SLC38A8: variants seen among roughly 807,000 people sequenced by gnomAD.
SLC38A8 encodes amino acid transporter SLC38A8.
Under a neutral mutation model 46.0 loss-of-function variants are expected in SLC38A8, and 65 were observed. That is an observed-to-expected ratio of 1.41 (90% confidence interval 1.16 to 1.74). The LOEUF (loss-of-function observed/expected upper bound fraction) is 1.74. Among genes scored for constraint, SLC38A8 ranks in the 40% most tolerant of loss-of-function variants. The probability of loss-of-function intolerance (pLI) is 0.00; values close to 1 mark genes in which losing one functional copy is unlikely to be tolerated. For synonymous variants in SLC38A8, 447 were observed against 243.7 expected (o/e 1.83, Z -7.77); for missense variants, 998 against 567.9 (o/e 1.76, Z -7.70).
chr16:84,039,783 T>C (rs7197686), intron 2 of SLC38A8: 2 of 135,988 alleles, frequency 1.5e-5, no homozygotes, highest in African/African-American at 2.7e-5. Flanking sequence ...GGGGAAGGTG[T>C]GGGGGGCAAG....
intron 6 of SLC38A8, among the ~76,000 whole-genome samples, chr16:84,027,514 C>T (rs1229031467): frequency 3.9e-5 from 6 of 152,182 alleles, no homozygotes; most frequent in African/African-American, 1.2e-4. Context: ...TGTGTTTGGG[C>T]GGGGACGCTG....
chr16:84,015,233 G>A (rs1235978522), intron 9 of SLC38A8, among the ~76,000 whole-genome samples: 8 of 152,248 alleles, frequency 5.3e-5, no homozygotes, highest in African/African-American at 1.9e-4. Context: ...CGGATCTGGA[G>A]TCTCTGTTCT....
rs751209781 is a variant in SLC38A8 at position 84,012,976 on chromosome 16, G to T, written c.1214+25C>A. 5.6e-6 allele frequency: 9 copies of T among 1,613,340 alleles called. No individual in the cohort carries two copies. In the Admixed American group the frequency reaches 6.7e-5, roughly 12 times the overall value. On this transcript the variant is annotated intron_variant, in intron 10 of 10. Transcript: ENST00000299709. ...CTCTGATCCGGGGCACACCCAGGGT[G>T]CCACCTCATCTTAGGGACACTTACT... is the stretch of plus-strand genomic sequence containing the variant.
At chr16:84,016,413 A>G in intron 9 of SLC38A8, 106 bp downstream of exon 9, 1 of 1,327,374 alleles carries the variant, frequency 7.5e-7, no homozygotes, top group Non-Finnish European at 1.0e-6. Context: ...TCCTACCCAT[A>G]TGTGGCTCCC....
At chr16:84,015,575 G>A (rs951518378) in intron 9 of SLC38A8, among the ~76,000 whole-genome samples, 1 of 620 alleles carries the variant, frequency 1.6e-3, no homozygotes, top group African/African-American at 0.02. Flanking sequence ...CTGTGCCCCC[G>A]GCGGGGGTTC....
intron 6 of SLC38A8, among the ~76,000 whole-genome samples, chr16:84,025,842 G>C (rs962796920): frequency 1.4e-4 from 22 of 152,346 alleles, no homozygotes; most frequent in African/African-American, 5.0e-4. Flanking sequence ...GTTGACCTCA[G>C]GCACCGCGCA....
intron 6 of SLC38A8, among the ~76,000 whole-genome samples, chr16:84,026,149 T>A (rs2085161805): frequency 6.6e-6 from 1 of 152,062 alleles, no homozygotes; most frequent in Non-Finnish European, 1.5e-5. Context: ...GAAAAGACAG[T>A]TAGTAGTGCC....
intron 7 of SLC38A8, among the ~76,000 whole-genome samples, chr16:84,021,598 A>G (rs534128393): frequency 1.4e-3 from 219 of 152,314 alleles, no homozygotes; most frequent in African/African-American, 5.0e-3. Flanking sequence ...AGCCCTCACC[A>G]GAATCTAGGC....
At chr16:84,016,062 A>G (rs942577799) in intron 9 of SLC38A8, among the ~76,000 whole-genome samples, 3 of 149,460 alleles carry the variant, frequency 2.0e-5, no homozygotes, top group African/African-American at 7.4e-5. Flanking sequence ...TCATGGCAAA[A>G]GGCAAATAAG....
At chr16:84,024,708 G>A (rs140742645) in intron 6 of SLC38A8, among the ~76,000 whole-genome samples, 4 of 152,238 alleles carry the variant, frequency 2.6e-5, no homozygotes, top group Non-Finnish European at 5.9e-5. Flanking sequence ...TCAAGCCTGG[G>A]AGGCAGAGTC....
intron 2 of SLC38A8, among the ~76,000 whole-genome samples, chr16:84,037,296 C>T (rs1159583169): frequency 3.3e-5 from 5 of 152,226 alleles, no homozygotes; most frequent in Non-Finnish European, 5.9e-5. Flanking sequence ...CACAGCCGGG[C>T]TCAGGTTCTA....
intron 6 of SLC38A8, among the ~76,000 whole-genome samples, chr16:84,025,819 C>T (rs1184574740): frequency 2.0e-5 from 3 of 152,256 alleles, no homozygotes; most frequent in Admixed American, 6.5e-5. Flanking sequence ...GAGCACAGCC[C>T]TTCCGCTGGC....
chr16:84,031,697 GGA>G (rs149923774), intron 5 of SLC38A8, among the ~76,000 whole-genome samples, 168 bp downstream of exon 5: 28,761 of 152,234 alleles, frequency 0.19, 3,065 homozygotes, highest in South Asian at 0.26. Context: ...TGCAGCAGAA[GGA>G]GAGTGGCCCT....
chr16:84,040,428 C>T (rs1194732610), intron 2 of SLC38A8, among the ~76,000 whole-genome samples: 1 of 152,174 alleles, frequency 6.6e-6, no homozygotes, highest in Non-Finnish European at 1.5e-5. Flanking sequence ...GGTCTCAGGC[C>T]CACCCAGCCC....
intron 6 of SLC38A8, among the ~76,000 whole-genome samples, chr16:84,024,616 A>G (rs1387736245): frequency 6.6e-6 from 1 of 152,060 alleles, no homozygotes; most frequent in Admixed American, 6.5e-5. Flanking sequence ...CCCCGTCTCT[A>G]CTAAAAGTAT....
At chr16:84,030,392 C>G (rs1033237496) in intron 5 of SLC38A8, among the ~76,000 whole-genome samples, 10 of 152,104 alleles carry the variant, frequency 6.6e-5, no homozygotes, top group Admixed American at 6.5e-4. Context: ...AGAGTACCAC[C>G]GGCTCAGTGT....
At position 84,031,967 on chromosome 16, in the gene SLC38A8, T is replaced by A. The variant is rs774284660; in HGVS notation, c.532A>T (p.Ile178Phe). ...TAACAGGCAGCCAGAGTGCCTAGGA[T>A]GCTAACACAGTGACCGTGTGAGGGG... ...REIAFQKYTS[I>F]LGTLAACYLA... Residue 178 changes from isoleucine to phenylalanine, a missense_variant and splice_region_variant, in exon 5 of 11, where the codon ATC becomes TTC. Physicochemically the swap from Ile to Phe is conservative, Grantham distance 21. Transcript: ENST00000299709. 1 of 1,614,010 alleles carries A rather than the reference T, an allele frequency of 6.2e-7. No individual in the cohort carries two copies. The highest frequency in any genetic ancestry group is 1.1e-5 in the South Asian group (1 of 91,088).
At chr16:84,043,008 C>A (rs138076072), upstream of SLC38A8, among the ~76,000 whole-genome samples, 362 of 152,294 alleles carry the variant, frequency 2.4e-3, no homozygotes, top group African/African-American at 8.4e-3. Flanking sequence ...CTCCAAGGTC[C>A]CCAGCCCAAC....
chr16:84,018,879 T>A (rs1371939999), intron 7 of SLC38A8, among the ~76,000 whole-genome samples: 1 of 152,094 alleles, frequency 6.6e-6, no homozygotes, highest in Non-Finnish European at 1.5e-5. Flanking sequence ...GGGGTGGGTA[T>A]AAAACTAGCA....
Sources: allele counts gnomAD v4.1 joint callset (sites outside exome capture counted in the v4.1 genomes callset), GRCh38; gene constraint gnomAD v4.1.1; transcripts MANE v1.5; gene names NCBI Gene and HGNC (gene_info 2026-07-23, HGNC 2026-07-21).